MYO3A: variants seen among roughly 807,000 people sequenced by gnomAD.
The protein encoded by MYO3A is myosin IIIA.
MYO3A carries 180 observed loss-of-function variants against 192.7 expected under a neutral mutation model. That is an observed-to-expected ratio of 0.93 (90% CI 0.83 to 1.06). The LOEUF (loss-of-function observed/expected upper bound fraction) is 1.06, where lower values mean the gene tolerates loss of function less well. Among genes scored for constraint, MYO3A ranks in the 50% least tolerant of loss-of-function variants. The probability of loss-of-function intolerance (pLI) is 0.00; values close to 1 mark genes in which losing one functional copy is unlikely to be tolerated. For missense variants in MYO3A, 1,896 were observed against 1,905.0 expected (o/e 1.00, Z 0.09); for synonymous variants, 628 against 645.3 (o/e 0.97, Z 0.41).
At chr10:26,137,712 G>T (rs1272657138) in intron 20 of MYO3A, among the ~76,000 whole-genome samples, 2 of 152,142 alleles carry the variant, frequency 1.3e-5, no homozygotes, top group African/African-American at 4.8e-5. Context: ...TTCCTAGCAA[G>T]GATTAATACT....
chr10:26,063,360 A>G (rs1160134470), intron 10 of MYO3A, among the ~76,000 whole-genome samples: 4 of 152,234 alleles, frequency 2.6e-5, no homozygotes, highest in African/African-American at 9.6e-5. Context: ...TGTTGCATAT[A>G]AAAACTTATT....
intron 6 of MYO3A, among the ~76,000 whole-genome samples, chr10:26,001,993 G>T (rs956323773): frequency 2.0e-5 from 3 of 152,102 alleles, no homozygotes. Flanking sequence ...TCTGAGGAGG[G>T]ATGCCATCTG....
chr10:26,032,334 C>G (rs892654600), intron 10 of MYO3A, among the ~76,000 whole-genome samples: 7 of 152,012 alleles, frequency 4.6e-5, no homozygotes, highest in African/African-American at 1.7e-4. Flanking sequence ...TTAAAAGTAC[C>G]GGCCAGGTGC....
intron 14 of MYO3A, among the ~76,000 whole-genome samples, chr10:26,086,335 C>A (rs567138303): frequency 6.6e-6 from 1 of 152,234 alleles, no homozygotes; most frequent in African/African-American, 2.4e-5. Flanking sequence ...GATTTAATCA[C>A]CTCTCACCAG....
Position 26,157,388 on chromosome 10 carries a change from C to T in MYO3A, c.2872C>T (p.Arg958Cys), listed in dbSNP as rs757481437. The T allele has an allele frequency of 6.2e-6, 10 of 1,614,062 alleles. No homozygotes were observed. The highest frequency in any genetic ancestry group is 3.3e-5 in the South Asian group (3 of 91,080). The change falls in exon 26 of 35, where the codon CGT (arginine) becomes TGT (cysteine). Residue 958 changes from arginine to cysteine, a missense_variant. Coordinates refer to ENST00000642920, the MANE Select transcript of MYO3A (RefSeq NM_017433.5). ...CCGTTGCATCAAACCAAATAGTGAG[C>T]GTCAGGCAAGAAAATATGACAAAGA... ...FVRCIKPNSE[R>C]QARKYDKEKV...
chr10:26,157,615 G>A, intron 26 of MYO3A, 100 bp downstream of exon 26: 5 of 1,264,968 alleles, frequency 4.0e-6, no homozygotes, highest in Non-Finnish European at 4.5e-6. Context: ...TAGAGGTCTA[G>A]GAGGGAGGCA....
At chr10:26,136,149 G>T (rs1839836039) in intron 20 of MYO3A, among the ~76,000 whole-genome samples, 1 of 152,078 alleles carries the variant, frequency 6.6e-6, no homozygotes, top group Non-Finnish European at 1.5e-5. Context: ...CAGGTGAATT[G>T]CCAGTGCCAT....
At chr10:26,043,089 A>G (rs1244974756) in intron 10 of MYO3A, among the ~76,000 whole-genome samples, 1 of 151,758 alleles carries the variant, frequency 6.6e-6, no homozygotes, top group African/African-American at 2.4e-5. Context: ...GATCTTGAAT[A>G]ATTTCCTGGA....
chr10:26,016,735 T>C, intron 6 of MYO3A, 85 bp from the exon 7 acceptor site: 1 of 1,274,246 alleles, frequency 7.8e-7, no homozygotes, highest in Admixed American at 1.7e-5. Flanking sequence ...AATTTTAATA[T>C]TAGTTTGCAA....
intron 31 of MYO3A, among the ~76,000 whole-genome samples, chr10:26,182,336 A>G (rs1348711227): frequency 6.6e-6 from 1 of 152,210 alleles, no homozygotes; most frequent in Admixed American, 6.5e-5. Flanking sequence ...TCAAGCCACT[A>G]AAAGTTTCTT....
chr10:26,211,980 T>A lies in MYO3A; in HGVS notation c.*17T>A, dbSNP rs758733574. On this transcript the variant is annotated 3_prime_UTR_variant, in exon 35 of 35. Coordinates refer to ENST00000642920, the MANE Select transcript of MYO3A (RefSeq NM_017433.5). ...CAGTCCTAACCGTTCAACGAGGCAG[T>A]CACCGCCGTCGGAAGGCGCTGGAGC... is the stretch of plus-strand genomic sequence containing the variant. 1.2e-6 allele frequency: 2 copies of A among 1,607,720 alleles called. No homozygotes were observed. The highest frequency in any genetic ancestry group is 1.7e-6 in the Non-Finnish European group (2 of 1,175,050).
chr10:25,954,325 A>T (rs1476133790), intron 3 of MYO3A, among the ~76,000 whole-genome samples: 1 of 152,156 alleles, frequency 6.6e-6, no homozygotes, highest in Non-Finnish European at 1.5e-5. Context: ...ATAAGATAGC[A>T]ACCTGTTCTT....
intron 26 of MYO3A, among the ~76,000 whole-genome samples, chr10:26,158,851 A>G (rs997109285): frequency 3.9e-5 from 6 of 152,122 alleles, no homozygotes; most frequent in Non-Finnish European, 7.3e-5. Context: ...ATAAATTACT[A>G]TTAAGAACAA....
chr10:26,047,900 A>G (rs1843726348), intron 10 of MYO3A, among the ~76,000 whole-genome samples: 1 of 151,718 alleles, frequency 6.6e-6, no homozygotes, highest in Non-Finnish European at 1.5e-5. Context: ...TTTTTTTTGC[A>G]GTGAAACAAG....
At chr10:26,129,032 C>A (rs1420756388) in intron 20 of MYO3A, among the ~76,000 whole-genome samples, 1 of 152,072 alleles carries the variant, frequency 6.6e-6, no homozygotes, top group Non-Finnish European at 1.5e-5. Flanking sequence ...GAATCAGCTT[C>A]AAAAAATATT....
At chr10:26,191,275 A>C (rs10828962) in intron 31 of MYO3A, among the ~76,000 whole-genome samples, 42,625 of 151,996 alleles carry the variant, frequency 0.28, 6,353 homozygotes, top group African/African-American at 0.39. Flanking sequence ...AAATAAAAGA[A>C]CACTATTTAT....
intron 6 of MYO3A, among the ~76,000 whole-genome samples, chr10:26,014,472 TAAATATTAATCTGATTTCA>T (rs1295581835): frequency 3.3e-5 from 5 of 152,216 alleles, no homozygotes; most frequent in East Asian, 1.9e-4. Context: ...TCCACCAATT[TAAATATTAATCTGATTTCA>T]AAATATTAAT....
intron 20 of MYO3A, among the ~76,000 whole-genome samples, chr10:26,132,635 G>C (rs761351554): frequency 6.6e-6 from 1 of 151,820 alleles, no homozygotes; most frequent in Non-Finnish European, 1.5e-5. Flanking sequence ...TCATCCATTA[G>C]AGCAGCACAT....
At chr10:26,036,149 C>T (rs1002887717) in intron 10 of MYO3A, among the ~76,000 whole-genome samples, 1 of 152,110 alleles carries the variant, frequency 6.6e-6, no homozygotes, top group African/African-American at 2.4e-5. Flanking sequence ...CTGTGTTAGC[C>T]AGAATGGTCT....
Sources: allele counts gnomAD v4.1 joint callset (sites outside exome capture counted in the v4.1 genomes callset), GRCh38; gene constraint gnomAD v4.1.1; transcripts MANE v1.5; gene names NCBI Gene and HGNC (gene_info 2026-07-23, HGNC 2026-07-21).